ENAH: variants seen among roughly 807,000 people sequenced by gnomAD.
ENAH encodes the protein protein enabled homolog.
In ENAH, 23 loss-of-function variants were observed where a neutral mutation model predicts 78.7. That is an observed-to-expected ratio of 0.29 (90% CI 0.21 to 0.41). The LOEUF (loss-of-function observed/expected upper bound fraction) is 0.41. Among genes scored for constraint, ENAH ranks in the 10% least tolerant of loss-of-function variants. ENAH has a pLI of 1.00. For missense variants in ENAH, 544 were observed against 691.0 expected (o/e 0.79, Z 2.39); for synonymous variants, 226 against 241.0 (o/e 0.94, Z 0.58).
At chr1:225,637,781 G>T (rs1268003409) in intron 1 of ENAH, among the ~76,000 whole-genome samples, 2 of 152,094 alleles carry the variant, frequency 1.3e-5, no homozygotes, top group Non-Finnish European at 2.9e-5. Flanking sequence ...GGCAACAGTG[G>T]GTGTGATGGC....
At chr1:225,557,438 A>C (rs2096672568) in intron 2 of ENAH, among the ~76,000 whole-genome samples, 1 of 152,188 alleles carries the variant, frequency 6.6e-6, no homozygotes, top group Admixed American at 6.5e-5. Flanking sequence ...GGCTAGAAAT[A>C]ACAATACAAT....
chr1:225,544,959 C>T (rs1558788662), intron 3 of ENAH, among the ~76,000 whole-genome samples: 1 of 152,080 alleles, frequency 6.6e-6, no homozygotes, highest in Non-Finnish European at 1.5e-5. Context: ...AATTGCTGGG[C>T]AATTTTTATA....
chr1:225,610,805 T>C (rs1460615468), intron 1 of ENAH, among the ~76,000 whole-genome samples: 6 of 152,184 alleles, frequency 3.9e-5, no homozygotes, highest in Non-Finnish European at 7.3e-5. Flanking sequence ...TTGGCCCACA[T>C]ACACGCTCAA....
chr1:225,634,528 A>T (rs990277795), intron 1 of ENAH, among the ~76,000 whole-genome samples: 2 of 152,222 alleles, frequency 1.3e-5, no homozygotes, highest in South Asian at 2.1e-4. Context: ...ACCCTGTAAC[A>T]GGGAATTATC....
chr1:225,528,946 C>CAT (rs1230863967), intron 4 of ENAH, among the ~76,000 whole-genome samples: 1 of 152,110 alleles, frequency 6.6e-6, no homozygotes, highest in Non-Finnish European at 1.5e-5. Context: ...TCCACCAAGA[C>CAT]ATATAAGGAT....
chr1:225,525,874 GA>G (rs1340893461), intron 4 of ENAH, among the ~76,000 whole-genome samples: 2 of 152,128 alleles, frequency 1.3e-5, no homozygotes, highest in African/African-American at 4.8e-5. Context: ...ACCATAGTGA[GA>G]GGTCTTGGTG....
chr1:225,514,639 A>G lies in ENAH; in HGVS notation c.1175T>C (p.Leu392Pro). The change falls in exon 7 of 14, where the codon CTT becomes CCT. Residue 392 changes from leucine to proline, a missense_variant. Physicochemically the swap from Leu to Pro is moderately conservative, Grantham distance 98 (BLOSUM62 -3). Transcript: ENST00000366843. ...TTTTGCTCCGGCAATTGCAGCTGCAAGTCCAGTTAAAGGGCGATTGTCTTC... is the reference window on the plus strand; with the variant it reads ...TTTTGCTCCGGCAATTGCAGCTGCAGGTCCAGTTAAAGGGCGATTGTCTTC... Reference protein sequence around the residue: ...MSEDNRPLTGLAAAIAGAKLR... With the variant: ...MSEDNRPLTGPAAAIAGAKLR... 1 of 1,607,628 alleles carries G rather than the reference A, an allele frequency of 6.2e-7. No homozygotes were observed. The highest frequency in any genetic ancestry group is 8.5e-7 in the Non-Finnish European group (1 of 1,176,942).
intron 3 of ENAH, among the ~76,000 whole-genome samples, chr1:225,541,905 G>C (rs2096590954): frequency 6.6e-6 from 1 of 152,128 alleles, no homozygotes; most frequent in Admixed American, 6.6e-5. Context: ...TTTTGAGGCA[G>C]GGTCTTACTT....
intron 1 of ENAH, among the ~76,000 whole-genome samples, chr1:225,615,699 C>T (rs1408956875): frequency 4.7e-5 from 7 of 150,414 alleles, no homozygotes; most frequent in East Asian, 3.9e-4. Context: ...GCCGCGACCC[C>T]GTCTGGGAAC....
chr1:225,630,919 C>T (rs1371754991), intron 1 of ENAH, among the ~76,000 whole-genome samples: 1 of 152,158 alleles, frequency 6.6e-6, no homozygotes, highest in Non-Finnish European at 1.5e-5. Flanking sequence ...ACTGCTCTAA[C>T]CTGAAACAAC....
Position 225,608,815 on chromosome 1 carries a change from CAAAAAAAAAAAAAAAAA to C in ENAH, c.6-41418_6-41402del, listed in dbSNP as rs928281132. Among the ~76,000 whole-genome samples the C allele has an allele frequency of 3.2e-3, 66 of 20,666 alleles. 2 individuals carry two copies. The highest frequency in any genetic ancestry group is 0.024 in the Admixed American group (42 of 1,746). The allele number at this position is 20,666 out of a possible 152,430, so 13.6% of individuals were successfully genotyped here. A position where few individuals can be genotyped will look rare whatever the true frequency, so the allele number is the denominator to read the frequency against. On this transcript the variant is annotated intron_variant, in intron 1 of 13. Coordinates refer to ENST00000366843, the MANE Select transcript of ENAH (RefSeq NM_018212.6). ...TGGGCGACAGAGCGAGACTCTGTCT[CAAAAAAAAAAAAAAAAA>C]AAAAAAAAAGGAGGGGGGTCTTGGA...
chr1:225,652,767 CA>C lies in ENAH; in HGVS notation c.-78del. On this transcript the variant is annotated 5_prime_UTR_variant, in exon 1 of 14. Transcript: ENST00000366843. ...CGAGCCGAGGGGGGGGTCTCTCCTCCAGGGGTGGGGAGCAGCTCGGAGACGG... is the reference window on the plus strand; with the variant it reads ...CGAGCCGAGGGGGGGGTCTCTCCTCCGGGGTGGGGAGCAGCTCGGAGACGG... The C allele has an allele frequency of 8.1e-7, 1 of 1,231,072 alleles. No homozygotes were observed. The highest frequency in any genetic ancestry group is 1.0e-6 in the Non-Finnish European group (1 of 968,404). 76.3% of individuals were successfully genotyped at this position (1,231,072 alleles called of 1,614,324 possible). A position where few individuals can be genotyped will look rare whatever the true frequency, so the allele number is the denominator to read the frequency against.
chr1:225,634,407 T>C (rs1659678121), intron 1 of ENAH, among the ~76,000 whole-genome samples: 1 of 152,200 alleles, frequency 6.6e-6, no homozygotes, highest in Non-Finnish European at 1.5e-5. Context: ...TGGCAGTATG[T>C]AGAGACATTC....
At chr1:225,559,945 A>G (rs188620093) in intron 2 of ENAH, among the ~76,000 whole-genome samples, 1 of 152,306 alleles carries the variant, frequency 6.6e-6, no homozygotes, top group East Asian at 1.9e-4. Flanking sequence ...CATGGGAAGC[A>G]TTGGGAGTGC....
chr1:225,558,740 TCTC>T (rs1444307088), intron 2 of ENAH, among the ~76,000 whole-genome samples: 13 of 149,158 alleles, frequency 8.7e-5, no homozygotes, highest in African/African-American at 3.2e-4. Flanking sequence ...TTCACGCCAT[TCTC>T]CTGCCTCAGC....
chr1:225,536,907 G>A (rs2096564509), intron 3 of ENAH, among the ~76,000 whole-genome samples: 1 of 151,890 alleles, frequency 6.6e-6, no homozygotes, highest in Non-Finnish European at 1.5e-5. Flanking sequence ...ATAAGATATA[G>A]AAAGACCACA....
chr1:225,565,860 G>A (rs1400439374), intron 2 of ENAH, among the ~76,000 whole-genome samples: 1 of 152,138 alleles, frequency 6.6e-6, no homozygotes, highest in Admixed American at 6.5e-5. Context: ...ACTAAGGAGG[G>A]AAAAGAAGAG....
At chr1:225,580,188 A>G (rs948550881) in intron 1 of ENAH, 8 of 151,990 alleles carry the variant, frequency 5.3e-5, no homozygotes, top group East Asian at 1.9e-4. Flanking sequence ...AGAATATGGG[A>G]AAAAAAATAC....
At chr1:225,613,886 C>G (rs746422438) in intron 1 of ENAH, among the ~76,000 whole-genome samples, 33 of 152,114 alleles carry the variant, frequency 2.2e-4, no homozygotes, top group Non-Finnish European at 3.8e-4. Flanking sequence ...GGATCAGTCC[C>G]AGAAGACCAC....
Sources: gnomAD v4.1 joint callset for allele counts (sites outside exome capture counted in the v4.1 genomes callset) on GRCh38, gnomAD v4.1.1 for gene constraint, MANE v1.5 for transcripts, NCBI Gene and HGNC (gene_info 2026-07-23, HGNC 2026-07-21) for gene names.